Variants in CCNDBP1 observed in about 807,000 individuals in gnomAD.
CCNDBP1 encodes the protein cyclin-D1-binding protein 1.
CCNDBP1 carries 45 observed loss-of-function variants against 46.2 expected under a neutral mutation model. The observed-to-expected ratio is 0.97, with a 90% CI of 0.77 to 1.25. CCNDBP1 has a LOEUF of 1.25. Ranked by LOEUF, CCNDBP1 falls within the 50% of genes most tolerant of loss-of-function variation. The probability of loss-of-function intolerance (pLI) is 0.00; values close to 1 mark genes in which losing one functional copy is unlikely to be tolerated. For missense variants in CCNDBP1, 436 were observed against 442.1 expected, an observed-to-expected ratio of 0.99 and a Z score of 0.12; for synonymous variants, 154 against 163.6, an observed-to-expected ratio of 0.94 and a Z score of 0.45.
chr15:43,185,702 C>G, intron 1 of CCNDBP1, 95 bp downstream of exon 1: 1 of 1,343,020 alleles, frequency 7.4e-7, no homozygotes, highest in South Asian at 1.4e-5. Context: ...GGCTCGGGGT[C>G]GCGGAGAGGG....
intron 9 of CCNDBP1, 26 bp downstream of exon 9, chr15:43,192,829 C>T: frequency 6.2e-7 from 1 of 1,604,976 alleles, no homozygotes; most frequent in Non-Finnish European, 8.5e-7. Flanking sequence ...GAGGGAATAG[C>T]TACAGAACAA....
In CCNDBP1 at chr15:43,186,224, G is replaced by A. The variant is rs371965492; in HGVS notation, c.240G>A (p.Pro80=). 1.2e-5 allele frequency: 19 copies of A among 1,613,724 alleles called. No homozygotes were observed. The East Asian group carries it at 3.1e-4, about 26-fold the overall frequency. ...TAGTCTTCTCTCAGCTTCCACTGCC[G>A]TCTCCACAGGTGGGCTTCACTTTCG... ...LTIVFSQLPL[P]SPQETQKFCE... Residue 80 remains proline, a synonymous_variant, in exon 3 of 11, where the codon CCG becomes CCA. Coordinates refer to ENST00000300213, the MANE Select transcript of CCNDBP1 (RefSeq NM_012142.5).
In CCNDBP1 at chr15:43,197,038, A is replaced by G; in HGVS notation, c.*2197A>G. ...CACCTGGCACTTACCCCTACCCCTC[A>G]ACCCATTCTTGCCCTGTGATCTCTG... On this transcript the variant is annotated 3_prime_UTR_variant, in exon 11 of 11. Transcript: ENST00000300213. 2.1e-6 allele frequency: 1 copy of G among 472,134 alleles called. No individual in the cohort carries two copies. Among genetic ancestry groups the G allele is most frequent in the Non-Finnish European group, 3.9e-6 (1 of 258,662 alleles). 29.2% of individuals were successfully genotyped at this position (472,134 alleles called of 1,614,324 possible).
chr15:43,187,181 T>A (rs2041865466), intron 3 of CCNDBP1, among the ~76,000 whole-genome samples: 1 of 152,164 alleles, frequency 6.6e-6, no homozygotes. Context: ...AATTTTTCAG[T>A]CTACATATAT....
chr15:43,191,293 AT>A, intron 7 of CCNDBP1, 101 bp from the exon 8 acceptor site: 6 of 1,268,490 alleles, frequency 4.7e-6, no homozygotes, highest in Non-Finnish European at 6.4e-6. Flanking sequence ...GCTGGCTAAG[AT>A]TTTTGGACAA....
Position 43,194,853 on chromosome 15 carries a change from C to T in CCNDBP1, c.*12C>T. 4.1e-6 allele frequency: 6 copies of T among 1,479,988 alleles called. No homozygotes were observed. Among genetic ancestry groups the T allele is most frequent in the African/African-American group, 1.4e-5 (1 of 72,432 alleles). The allele number at this position is 1,479,988 out of a possible 1,614,324, so 91.7% of individuals were successfully genotyped here. A position where few individuals can be genotyped will look rare whatever the true frequency, so the allele number is the denominator to read the frequency against. On this transcript the variant is annotated 3_prime_UTR_variant, in exon 11 of 11. Coordinates refer to ENST00000300213, the MANE Select transcript of CCNDBP1 (RefSeq NM_012142.5). Reference sequence around the variant, plus strand: ...AACTTGAATTATGACTTTTCAGGCTCATTTGTACTCTCTTCCCCTCTCATC... The same window carrying T: ...AACTTGAATTATGACTTTTCAGGCTTATTTGTACTCTCTTCCCCTCTCATC...
In CCNDBP1 at chr15:43,197,127, T is replaced by C. The variant is rs1381306940; in HGVS notation, c.*2286T>C. On this transcript the variant is annotated 3_prime_UTR_variant, in exon 11 of 11. Transcript: ENST00000300213. ...GCAGCCTGAAGCCCTCACTGTTTCT[T>C]GTACAGCCTGCAGAGCCGTGAGCCA... is the stretch of plus-strand genomic sequence containing the variant. 1.2e-6 allele frequency: 1 copy of C among 847,840 alleles called. No homozygotes were observed. Among genetic ancestry groups the C allele is most frequent in the East Asian group, 2.7e-5 (1 of 36,388 alleles). The allele number at this position is 847,840 out of a possible 1,614,324, so 52.5% of individuals were successfully genotyped here. A position where few individuals can be genotyped will look rare whatever the true frequency, so the allele number is the denominator to read the frequency against.
chr15:43,194,045 G>GC (rs2042001810), intron 9 of CCNDBP1: 1 of 100,748 alleles, frequency 9.9e-6, no homozygotes, highest in Admixed American at 2.1e-4. Flanking sequence ...TTCTTAATGC[G>GC]CTTTTTTTTT....
Position 43,185,878 on chromosome 15 carries a change from C to A in CCNDBP1, c.168C>A (p.Leu56=). 6.2e-7 allele frequency: 1 copy of A among 1,610,314 alleles called. No homozygotes were observed. The highest frequency in any genetic ancestry group is 8.5e-7 in the Non-Finnish European group (1 of 1,179,606). The part of the protein sequence containing the change: ...EFNREMFWRR[L]NEAAVTVSRE... ...ATCGAGAGATGTTCTGGAGAAGACT[C>A]AGTGAGTGCGCCTCCTTCCGGGCTC... The change falls in exon 2 of 11, where the codon CTC becomes CTA. Residue 56 remains leucine, a splice_region_variant and synonymous_variant. Coordinates refer to ENST00000300213, the MANE Select transcript of CCNDBP1 (RefSeq NM_012142.5).
At chr15:43,189,172 T>C (rs1325009330) in intron 3 of CCNDBP1, 27 bp from the exon 4 acceptor site, 7 of 1,388,076 alleles carry the variant, frequency 5.0e-6, no homozygotes, top group South Asian at 2.4e-5. Flanking sequence ...TTGACCACTT[T>C]GATCTAATCT....
intron 4 of CCNDBP1, chr15:43,189,585 G>A: frequency 2.8e-6 from 1 of 352,632 alleles, no homozygotes; most frequent in Non-Finnish European, 5.1e-6. Context: ...AGCCCCATAT[G>A]CAGGCTCAGG....
At chr15:43,189,569 G>A in intron 4 of CCNDBP1, 1 of 373,186 alleles carries the variant, frequency 2.7e-6, no homozygotes, top group Non-Finnish European at 4.8e-6. Context: ...ATACTGGCTG[G>A]CTCTCAGCCC....
In CCNDBP1 at chr15:43,186,287, C is replaced by T. The variant is rs544248892; in HGVS notation, c.249+54C>T. Reference sequence around the variant, plus strand: ...GCTGCCGAGTTACACCTTAGGAATCCTCTAATTTTCTTTCCACCTTTTGCA... The same window carrying T: ...GCTGCCGAGTTACACCTTAGGAATCTTCTAATTTTCTTTCCACCTTTTGCA... On this transcript the variant is annotated intron_variant, in intron 3 of 10. Coordinates refer to ENST00000300213, the MANE Select transcript of CCNDBP1 (RefSeq NM_012142.5). 1.0e-5 allele frequency: 14 copies of T among 1,400,612 alleles called. No homozygotes were observed. In the African/African-American group the frequency reaches 2.0e-4, roughly 20 times the overall value. 86.8% of individuals were successfully genotyped at this position (1,400,612 alleles called of 1,614,324 possible). A position where few individuals can be genotyped will look rare whatever the true frequency, so the allele number is the denominator to read the frequency against.
chr15:43,191,450 A>C lies in CCNDBP1; in HGVS notation c.635A>C (p.Asn212Thr), dbSNP rs778288079. 1.2e-6 allele frequency: 2 copies of C among 1,611,992 alleles called. No individual in the cohort carries two copies. Among genetic ancestry groups the C allele is most frequent in the African/African-American group, 2.7e-5 (2 of 74,166 alleles). The change falls in exon 8 of 11, where the codon AAC (asparagine) becomes ACC (threonine). Residue 212 changes from asparagine to threonine, a missense_variant. Transcript: ENST00000300213. The part of the protein sequence containing the change: ...SGLLNDTEEN[N>T]SDNHNHEDDV... ...CTCTTGAATGATACTGAGGAGAACAACTCTGACAACCACAATCATGAGGAT... is the reference window on the plus strand; with the variant it reads ...CTCTTGAATGATACTGAGGAGAACACCTCTGACAACCACAATCATGAGGAT...
intron 3 of CCNDBP1, among the ~76,000 whole-genome samples, chr15:43,187,947 T>TTG (rs901090184): frequency 2.0e-5 from 3 of 152,230 alleles, no homozygotes; most frequent in African/African-American, 7.2e-5. Context: ...ATTGCCTTCT[T>TTG]GAGATCTCAC....
At chr15:43,191,233 C>T (rs187065675) in intron 7 of CCNDBP1, among the ~76,000 whole-genome samples, 162 bp from the exon 8 acceptor site, 30 of 151,902 alleles carry the variant, frequency 2.0e-4, no homozygotes, top group East Asian at 7.7e-4. Context: ...ACAAGGAGAG[C>T]GAGAACAGGG....
chr15:43,186,807 T>G (rs1015687322), intron 3 of CCNDBP1, among the ~76,000 whole-genome samples: 2 of 152,244 alleles, frequency 1.3e-5, no homozygotes, highest in African/African-American at 4.8e-5. Context: ...GTATATTCTG[T>G]GCATATATAC....
At chr15:43,192,674 A>C (rs1346162460) in intron 8 of CCNDBP1, 69 bp from the exon 9 acceptor site, 1 of 1,396,682 alleles carries the variant, frequency 7.2e-7, no homozygotes, top group Non-Finnish European at 1.0e-6. Context: ...GTTGACATCC[A>C]TAGTTGTGTA....
intron 4 of CCNDBP1, 95 bp from the exon 5 acceptor site, chr15:43,189,960 C>T (rs1424354658): frequency 2.5e-5 from 26 of 1,025,254 alleles, no homozygotes; most frequent in Non-Finnish European, 3.7e-5. Context: ...TGTGGGTGTA[C>T]ATTACCTTAT....
Sources: allele counts gnomAD v4.1 joint callset (sites outside exome capture counted in the v4.1 genomes callset), GRCh38; gene constraint gnomAD v4.1.1; transcripts MANE v1.5; gene names NCBI Gene and HGNC (gene_info 2026-07-23, HGNC 2026-07-21).